SDHB: variants seen among roughly 807,000 people sequenced by gnomAD.
The protein encoded by SDHB is succinate dehydrogenase [ubiquinone] iron-sulfur subunit, mitochondrial.
In SDHB, 21 loss-of-function variants were observed where a neutral mutation model predicts 39.7. That is an observed-to-expected ratio of 0.53 (90% CI 0.37 to 0.76). SDHB has a LOEUF of 0.76. Ranked by LOEUF, SDHB falls within the 30% of genes least tolerant of loss-of-function variation. The probability of loss-of-function intolerance (pLI) is 0.00; values close to 1 mark genes in which losing one functional copy is unlikely to be tolerated. For missense variants in SDHB, 343 were observed against 350.9 expected (o/e 0.98, Z 0.18); for synonymous variants, 118 against 117.0 (o/e 1.01, Z -0.06).
In SDHB at chr1:17,018,845, T is replaced by A; in HGVS notation, c.*36A>T. 1 of 1,453,992 alleles carries A rather than the reference T, an allele frequency of 6.9e-7. No individual in the cohort carries two copies. Among genetic ancestry groups the A allele is most frequent in the South Asian group, 1.1e-5 (1 of 87,822 alleles). The allele number at this position is 1,453,992 out of a possible 1,614,324, so 90.1% of individuals were successfully genotyped here. On this transcript the variant is annotated 3_prime_UTR_variant, in exon 8 of 8. Coordinates refer to ENST00000375499, the MANE Select transcript of SDHB (RefSeq NM_003000.3). ...ATTAGATATAAATTATGTTCAGCTC[T>A]GAGCTGGTTATAAATCATGTTTAGC... is the stretch of plus-strand genomic sequence containing the variant.
intron 1 of SDHB, among the ~76,000 whole-genome samples, chr1:17,047,248 C>T (rs2078115054): frequency 6.6e-6 from 1 of 151,180 alleles, no homozygotes; most frequent in African/African-American, 2.4e-5. Flanking sequence ...CCCAGCTACT[C>T]GGGAGGCAGA....
intron 1 of SDHB, chr1:17,045,331 G>T: frequency 4.7e-6 from 1 of 213,152 alleles, no homozygotes; most frequent in South Asian, 6.1e-5. Flanking sequence ...TGTGGGGTGT[G>T]GTCTGAGGGT....
intron 2 of SDHB, among the ~76,000 whole-genome samples, chr1:17,043,323 A>G (rs1205445869): frequency 6.6e-6 from 1 of 152,074 alleles, no homozygotes. Flanking sequence ...TGGTCTGTGC[A>G]ATTTCTATTC....
intron 7 of SDHB, among the ~76,000 whole-genome samples, chr1:17,019,415 C>G (rs2077948825): frequency 6.6e-6 from 1 of 152,154 alleles, no homozygotes; most frequent in South Asian, 2.1e-4. Flanking sequence ...TCTCTATTAA[C>G]CCTTTGTAAA....
rs397835910 is a variant in SDHB at position 17,049,647 on chromosome 1, C to CTTTTTTTTTTTTTTTTTTT, written c.72+4282_72+4300dup. On this transcript the variant is annotated intron_variant, in intron 1 of 7. Coordinates refer to ENST00000375499, the MANE Select transcript of SDHB (RefSeq NM_003000.3). ...GGGACTGGAGCATAATCCCCTAGTTCTTTTTTTTTTTTTTTTTTTTTTTTT... is the reference window on the plus strand; with the variant it reads ...GGGACTGGAGCATAATCCCCTAGTTCTTTTTTTTTTTTTTTTTTTTTTTTTTTTTTTTTTTTTTTTTTTT... 5.4e-4 allele frequency among the ~76,000 whole-genome samples: 28 copies of CTTTTTTTTTTTTTTTTTTT among 52,066 alleles called. 5 individuals carry two copies. The highest frequency in any genetic ancestry group is 7.9e-4 in the African/African-American group (8 of 10,178). The allele number at this position is 52,066 out of a possible 152,430, so 34.2% of individuals were successfully genotyped here. A position where few individuals can be genotyped will look rare whatever the true frequency, so the allele number is the denominator to read the frequency against.
chr1:17,043,195 G>A (rs1416671080), intron 2 of SDHB, among the ~76,000 whole-genome samples: 4 of 151,898 alleles, frequency 2.6e-5, no homozygotes, highest in South Asian at 2.1e-4. Flanking sequence ...GCCTGACCCC[G>A]AGTGATCCAC....
chr1:17,042,883 G>C (rs1323136572), intron 2 of SDHB, among the ~76,000 whole-genome samples: 1 of 149,568 alleles, frequency 6.7e-6, no homozygotes, highest in Non-Finnish European at 1.5e-5. Context: ...TATTTTTTAC[G>C]TGTTCCTGAT....
intron 1 of SDHB, among the ~76,000 whole-genome samples, chr1:17,053,220 G>A (rs779537781): frequency 1.3e-5 from 2 of 152,070 alleles, no homozygotes; most frequent in African/African-American, 2.4e-5. Flanking sequence ...TACTGCACAC[G>A]GCATAGTAAT....
At chr1:17,026,425 C>T (rs2077991286) in intron 5 of SDHB, among the ~76,000 whole-genome samples, 1 of 152,104 alleles carries the variant, frequency 6.6e-6, no homozygotes, top group Non-Finnish European at 1.5e-5. Flanking sequence ...AGTACAGTGG[C>T]ACAACCTTGG....
At chr1:17,022,847 C>T (rs746157069) in intron 6 of SDHB, 117 bp from the exon 7 acceptor site, 1 of 1,223,154 alleles carries the variant, frequency 8.2e-7, no homozygotes, top group East Asian at 2.6e-5. Flanking sequence ...TTAGATGCCT[C>T]ATCTCCATAC....
At chr1:17,042,230 C>T (rs563985507) in intron 2 of SDHB, among the ~76,000 whole-genome samples, 1 of 152,322 alleles carries the variant, frequency 6.6e-6, no homozygotes, top group East Asian at 1.9e-4. Flanking sequence ...ACTTCCCATA[C>T]CAACTTGGAC....
chr1:17,035,069 G>A (rs1470186942), intron 2 of SDHB, among the ~76,000 whole-genome samples: 1 of 152,036 alleles, frequency 6.6e-6, no homozygotes, highest in Non-Finnish European at 1.5e-5. Flanking sequence ...CATGATCTGA[G>A]GCTCTTATAT....
intron 1 of SDHB, among the ~76,000 whole-genome samples, chr1:17,053,738 G>A (rs1338548626): frequency 1.5e-5 from 2 of 129,366 alleles, no homozygotes; most frequent in East Asian, 4.6e-4. Flanking sequence ...AAAATTGCCC[G>A]TGCCCTAACT....
chr1:17,034,506 G>A (rs888165529), intron 2 of SDHB, among the ~76,000 whole-genome samples: 3 of 151,796 alleles, frequency 2.0e-5, no homozygotes, highest in Admixed American at 6.6e-5. Context: ...TCAGCCTCCC[G>A]AGTAGCTGGG....
intron 2 of SDHB, among the ~76,000 whole-genome samples, chr1:17,037,954 C>A (rs140212509): frequency 1.3e-5 from 2 of 152,116 alleles, no homozygotes; most frequent in Admixed American, 6.6e-5. Context: ...CTGACCAACA[C>A]GCAGAAACCC....
intron 5 of SDHB, among the ~76,000 whole-genome samples, chr1:17,025,237 C>T (rs534019728): frequency 6.6e-6 from 1 of 152,028 alleles, no homozygotes; most frequent in East Asian, 1.9e-4. Context: ...TGCTTATGAA[C>T]AATTTTAAGA....
At chr1:17,052,505 A>G (rs1277923047) in intron 1 of SDHB, 1 of 152,228 alleles carries the variant, frequency 6.6e-6, no homozygotes, top group Non-Finnish European at 1.5e-5. Context: ...AGCCTTTTCT[A>G]CAATGCATTC....
Position 17,030,496 on chromosome 1 carries a change from G to A in SDHB, c.287-1760C>T, listed in dbSNP as rs537524568. Among the ~76,000 whole-genome samples, 34 of 152,302 alleles carry A rather than the reference G, an allele frequency of 2.2e-4. 1 individual carries two copies. Among genetic ancestry groups the A allele is most frequent in the African/African-American group, 8.2e-4 (34 of 41,570 alleles). The stretch of plus-strand genomic sequence containing the variant: ...AAGCAAACTAAACAAAAAACGTGCT[G>A]ACCCAGGACCCCGACATGAGAATTT... On this transcript the variant is annotated intron_variant, in intron 3 of 7. Coordinates refer to ENST00000375499, the MANE Select transcript of SDHB (RefSeq NM_003000.3).
chr1:17,029,093 G>GTTTTTTTTTTT (rs746243819), intron 3 of SDHB, among the ~76,000 whole-genome samples: 1 of 72,028 alleles, frequency 1.4e-5, no homozygotes, highest in Non-Finnish European at 2.4e-5. Context: ...AAATCAGCCT[G>GTTTTTTTTTTT]TTTTTTTTTT....
Sources: gnomAD v4.1 joint callset for allele counts (sites outside exome capture counted in the v4.1 genomes callset) on GRCh38, gnomAD v4.1.1 for gene constraint, MANE v1.5 for transcripts, NCBI Gene and HGNC (gene_info 2026-07-23, HGNC 2026-07-21) for gene names.